Variants in ATP8A2 observed in about 807,000 individuals in gnomAD.
ATP8A2 encodes ATPase phospholipid transporting 8A2, also known as phospholipid-transporting ATPase IB.
ATP8A2 carries 100 observed loss-of-function variants against 165.6 expected under a neutral mutation model. The ratio of observed to expected loss-of-function variants is 0.60; its 90% CI spans 0.51 to 0.71. The LOEUF (loss-of-function observed/expected upper bound fraction) is 0.71. Ranked by LOEUF, ATP8A2 falls within the 30% of genes least tolerant of loss-of-function variation. The probability of loss-of-function intolerance (pLI) is 0.00; values close to 1 mark genes in which losing one functional copy is unlikely to be tolerated. For synonymous variants in ATP8A2, 543 were observed against 548.8 expected (o/e 0.99, Z 0.15); for missense variants, 1,227 against 1,479.5 (o/e 0.83, Z 2.80).
chr13:25,385,777 GA>G (rs2033018914), intron 1 of ATP8A2, among the ~76,000 whole-genome samples: 1 of 151,654 alleles, frequency 6.6e-6, no homozygotes, highest in Admixed American at 6.6e-5. Flanking sequence ...CTGCAGCCTT[GA>G]CATCCCAGGC....
chr13:25,728,393 G>A (rs984885024), intron 25 of ATP8A2, among the ~76,000 whole-genome samples: 1 of 152,134 alleles, frequency 6.6e-6, no homozygotes, highest in African/African-American at 2.4e-5. Flanking sequence ...CACAATACCC[G>A]GCTAATAATA....
At chr13:25,661,210 T>G (rs999089580) in intron 24 of ATP8A2, among the ~76,000 whole-genome samples, 3 of 152,304 alleles carry the variant, frequency 2.0e-5, no homozygotes, top group Non-Finnish European at 2.9e-5. Flanking sequence ...CTGGCCTGCC[T>G]ATCAGATACG....
intron 33 of ATP8A2, among the ~76,000 whole-genome samples, chr13:25,909,316 T>C (rs1387898509): frequency 1.3e-5 from 2 of 152,192 alleles, no homozygotes; most frequent in Non-Finnish European, 2.9e-5. Flanking sequence ...ATATTTGCAG[T>C]GATGAATGTG....
At chr13:25,631,552 A>G (rs2041240884) in intron 24 of ATP8A2, among the ~76,000 whole-genome samples, 1 of 152,132 alleles carries the variant, frequency 6.6e-6, no homozygotes, top group Non-Finnish European at 1.5e-5. Flanking sequence ...TTTACTCTAA[A>G]AGAAGATGCT....
chr13:25,512,283 T>C (rs1221673866), intron 2 of ATP8A2, among the ~76,000 whole-genome samples: 3 of 152,206 alleles, frequency 2.0e-5, no homozygotes, highest in Non-Finnish European at 4.4e-5. Context: ...TCTACCTCTT[T>C]CTACACAGAC....
chr13:25,556,219 A>G (rs1238922407), intron 13 of ATP8A2, among the ~76,000 whole-genome samples: 1 of 152,248 alleles, frequency 6.6e-6, no homozygotes, highest in Non-Finnish European at 1.5e-5. Context: ...GAACTAATGT[A>G]TACTCCCACC....
At position 26,010,483 on chromosome 13, in the gene ATP8A2, G is replaced by A. The variant is rs1262381248; in HGVS notation, c.3378-2048G>A. Among the ~76,000 whole-genome samples the A allele has an allele frequency of 3.3e-5, 5 of 152,376 alleles. No individual in the cohort carries two copies. In the East Asian group the frequency reaches 9.7e-4, roughly 29 times the overall value. On this transcript the variant is annotated intron_variant, in intron 35 of 36. Coordinates refer to ENST00000381655, the MANE Select transcript of ATP8A2 (RefSeq NM_016529.6). Reference sequence around the variant, plus strand: ...GGCTGGTGAGGCTACCCTGGGGCCAGGCAGGGTGAGGGGCCCCCTCTGCAC... The same window carrying A: ...GGCTGGTGAGGCTACCCTGGGGCCAAGCAGGGTGAGGGGCCCCCTCTGCAC...
chr13:26,014,278 A>T (rs1956915341), intron 36 of ATP8A2, among the ~76,000 whole-genome samples: 1 of 152,260 alleles, frequency 6.6e-6, no homozygotes, highest in Non-Finnish European at 1.5e-5. Context: ...CCACAGCTGC[A>T]CAGAAAGCCA....
In ATP8A2 at chr13:25,932,908, G is replaced by A. The variant is rs528655556; in HGVS notation, c.3184-28667G>A. Among the ~76,000 whole-genome samples, 109 of 152,248 alleles carry A rather than the reference G, an allele frequency of 7.2e-4. 1 individual carries two copies. The highest frequency in any genetic ancestry group is 2.5e-3 in the African/African-American group (103 of 41,534). ...GTCACCCAGGCTGGGGTGCAGTGGC[G>A]TGATCTCGGCTCACTGCAACCTCCG... On this transcript the variant is annotated intron_variant, in intron 33 of 36. Coordinates refer to ENST00000381655, the MANE Select transcript of ATP8A2 (RefSeq NM_016529.6).
rs184629472 is a variant in ATP8A2, at chr13:25,957,501, G to A, written c.3184-4074G>A. 2.5e-3 allele frequency among the ~76,000 whole-genome samples: 383 copies of A among 152,198 alleles called. 10 individuals are homozygous for A. The highest frequency in any genetic ancestry group is 0.024 in the Admixed American group (369 of 15,294). On this transcript the variant is annotated intron_variant, in intron 33 of 36. Coordinates refer to ENST00000381655, the MANE Select transcript of ATP8A2 (RefSeq NM_016529.6). ...GAAGACATTTATGCGGCCAACAAAC[G>A]TATGAAACAAAGTTTCTCATCATCA...
chr13:25,546,739 C>A (rs1469892385), intron 10 of ATP8A2, among the ~76,000 whole-genome samples: 2 of 152,330 alleles, frequency 1.3e-5, no homozygotes, highest in African/African-American at 4.8e-5. Context: ...TTATTCCTCA[C>A]AATGGCTAGG....
At chr13:25,508,483 TA>T (rs560292520) in intron 2 of ATP8A2, among the ~76,000 whole-genome samples, 2 of 152,286 alleles carry the variant, frequency 1.3e-5, no homozygotes, top group African/African-American at 4.8e-5. Context: ...ATATCACCAT[TA>T]AAAAGGATGA....
At chr13:25,548,189 G>T (rs571488279) in intron 10 of ATP8A2, among the ~76,000 whole-genome samples, 127 of 152,292 alleles carry the variant, frequency 8.3e-4, no homozygotes, top group African/African-American at 2.6e-3. Flanking sequence ...TCACGCCACT[G>T]CACTCCAGCC....
At chr13:25,954,248 G>C (rs564987781) in intron 33 of ATP8A2, among the ~76,000 whole-genome samples, 2 of 152,222 alleles carry the variant, frequency 1.3e-5, no homozygotes, top group African/African-American at 4.8e-5. Flanking sequence ...CAGGAAGTTT[G>C]AACTGGGTGG....
At chr13:26,013,651 G>A (rs1226334922) in intron 36 of ATP8A2, among the ~76,000 whole-genome samples, 2 of 147,490 alleles carry the variant, frequency 1.4e-5, no homozygotes, top group Non-Finnish European at 3.0e-5. Flanking sequence ...TCCAGCCTGG[G>A]CAACAAGAGC....
In ATP8A2 at chr13:25,589,695, T is replaced by G; in HGVS notation, c.2207T>G (p.Leu736Trp). ...CTTATCCTATTGAAGGAGGACTCTT[T>G]GGATGTAAGTAGTTTTTCAAAGTTG... ...MALILLKEDS[L>W]DATRAAITQH... The change falls in exon 24 of 37, where the codon TTG (leucine) becomes TGG (tryptophan). Residue 736 changes from leucine (L) to tryptophan (W), a missense_variant. Coordinates refer to ENST00000381655, the MANE Select transcript of ATP8A2 (RefSeq NM_016529.6). The G allele has an allele frequency of 6.2e-7, 1 of 1,602,824 alleles. No individual in the cohort carries two copies. Among genetic ancestry groups the G allele is most frequent in the Non-Finnish European group, 8.5e-7 (1 of 1,170,634 alleles).
chr13:25,476,589 AGAATCATAACT>A (rs2036002503), intron 2 of ATP8A2, among the ~76,000 whole-genome samples: 2 of 152,210 alleles, frequency 1.3e-5, no homozygotes, highest in African/African-American at 4.8e-5. Context: ...GACGCCTGAC[AGAATCATAACT>A]TTTTTGGTTT....
At chr13:25,891,362 G>A (rs1372457663) in intron 33 of ATP8A2, among the ~76,000 whole-genome samples, 2 of 152,008 alleles carry the variant, frequency 1.3e-5, no homozygotes, top group Non-Finnish European at 2.9e-5. Flanking sequence ...TCGCTCTGTC[G>A]CCCAGGCTGG....
intron 33 of ATP8A2, among the ~76,000 whole-genome samples, chr13:25,912,882 AAGG>A (rs776313480): frequency 6.6e-6 from 1 of 152,116 alleles, no homozygotes; most frequent in Non-Finnish European, 1.5e-5. Flanking sequence ...CCAATCTGAG[AAGG>A]AGGTGTTTGT....
Sources: allele counts gnomAD v4.1 joint callset (sites outside exome capture counted in the v4.1 genomes callset), GRCh38; gene constraint gnomAD v4.1.1; transcripts MANE v1.5; gene names NCBI Gene and HGNC (gene_info 2026-07-23, HGNC 2026-07-21).